The following SUZ12 variants were observed in gnomAD, a reference collection of about 807,000 sequenced individuals.
SUZ12 encodes the protein SUZ12 polycomb repressive complex 2 subunit, also known as polycomb protein SUZ12.
SUZ12 carries 17 observed loss-of-function variants against 87.3 expected under a neutral mutation model. That is an observed-to-expected ratio of 0.19 (90% confidence interval 0.13 to 0.29). SUZ12 has a LOEUF of 0.29. Ranked by LOEUF, SUZ12 falls within the 10% of genes least tolerant of loss-of-function variation. The probability of loss-of-function intolerance (pLI) is 1.00; values close to 1 mark genes in which losing one functional copy is unlikely to be tolerated. For synonymous variants in SUZ12, 253 were observed against 312.4 expected, an observed-to-expected ratio of 0.81 and a Z score of 2.01; for missense variants, 526 against 912.2, an observed-to-expected ratio of 0.58 and a Z score of 5.45.
At chr17:31,978,755 T>C (rs1908901113) in intron 8 of SUZ12, among the ~76,000 whole-genome samples, 1 of 152,220 alleles carries the variant, frequency 6.6e-6, no homozygotes, top group South Asian at 2.1e-4. Flanking sequence ...GATAATGCTT[T>C]TATTTTAAAG....
intron 15 of SUZ12, 80 bp downstream of exon 15, chr17:31,996,957 T>C (rs1910006972): frequency 1.2e-6 from 1 of 848,640 alleles, no homozygotes; most frequent in Admixed American, 4.0e-5. Flanking sequence ...AAATCTTACG[T>C]GTGTTAGAAT....
At position 31,988,454 on chromosome 17, in the gene SUZ12, T is replaced by C; in HGVS notation, c.1158T>C (p.His386=). 1 of 1,610,590 alleles carries C rather than the reference T, an allele frequency of 6.2e-7. No homozygotes were observed. The highest frequency in any genetic ancestry group is 8.5e-7 in the Non-Finnish European group (1 of 1,179,130). Residue 386 remains histidine, a synonymous_variant, in exon 10 of 16, where the codon CAT becomes CAC. Coordinates refer to ENST00000322652, the MANE Select transcript of SUZ12 (RefSeq NM_015355.4). ...PLATRNSESL[H]QENKPGSVKP... ...CCACTAGAAATTCAGAGAGTCTCCATCAGGAAAACAAGCCTGGTTCAGTTA... is the reference window on the plus strand; with the variant it reads ...CCACTAGAAATTCAGAGAGTCTCCACCAGGAAAACAAGCCTGGTTCAGTTA...
At position 31,999,179 on chromosome 17, in the gene SUZ12, T is replaced by TGA. The variant is rs1910135953; in HGVS notation, c.*176_*177insGA. The TGA allele has an allele frequency of 3.8e-5, 18 of 478,952 alleles. No individual in the cohort carries two copies. The highest frequency in any genetic ancestry group is 6.2e-5 in the Non-Finnish European group (17 of 275,636). The allele number at this position is 478,952 out of a possible 1,614,324, so 29.7% of individuals were successfully genotyped here. A position where few individuals can be genotyped will look rare whatever the true frequency, so the allele number is the denominator to read the frequency against. On this transcript the variant is annotated 3_prime_UTR_variant, in exon 16 of 16. Transcript: ENST00000322652. Reference sequence around the variant, plus strand: ...TTCTACTTCACTTCATTATGCAGCATTACATGTATATCACTTTTATTGATG... The same window carrying TGA: ...TTCTACTTCACTTCATTATGCAGCATGATACATGTATATCACTTTTATTGATG...
At chr17:31,983,903 G>A (rs570044947) in intron 9 of SUZ12, among the ~76,000 whole-genome samples, 1 of 152,230 alleles carries the variant, frequency 6.6e-6, no homozygotes, top group Admixed American at 6.5e-5. Context: ...AGATAAAGAG[G>A]AATCCATGCA....
intron 10 of SUZ12, among the ~76,000 whole-genome samples, chr17:31,990,335 CT>C (rs1351497703): frequency 6.6e-6 from 1 of 151,328 alleles, no homozygotes; most frequent in Non-Finnish European, 1.5e-5. Flanking sequence ...TGGTCTGGAC[CT>C]CCTGACGTCG....
intron 4 of SUZ12, among the ~76,000 whole-genome samples, chr17:31,953,812 C>T (rs1435036972): frequency 6.7e-6 from 1 of 148,154 alleles, no homozygotes; most frequent in Non-Finnish European, 1.5e-5. Flanking sequence ...CTCCTTGGTT[C>T]AAGCAGTTCT....
rs769992126 is a variant in SUZ12 at position 31,994,519 on chromosome 17, G to A, written c.1438-45G>A. On this transcript the variant is annotated intron_variant, in intron 12 of 15. Transcript: ENST00000322652. ...TTTAATTAAATTGGAGGGATATTTA[G>A]GATAGGATACTTAATATATTTTTTT... is the stretch of plus-strand genomic sequence containing the variant. The A allele has an allele frequency of 1.1e-5, 16 of 1,489,558 alleles. No individual in the cohort carries two copies. In the East Asian group the frequency reaches 3.9e-4, roughly 36 times the overall value. The allele number at this position is 1,489,558 out of a possible 1,614,324, so 92.3% of individuals were successfully genotyped here.
intron 4 of SUZ12, among the ~76,000 whole-genome samples, chr17:31,959,108 CT>C (rs969675522): frequency 6.6e-6 from 1 of 151,918 alleles, no homozygotes; most frequent in Non-Finnish European, 1.5e-5. Flanking sequence ...TTTTCCCTTT[CT>C]TTTTTTTAAT....
rs772057153 is a variant in SUZ12 at position 31,983,008 on chromosome 17, G to A, written c.927G>A (p.Gln309=). The change falls in exon 9 of 16, where the codon CAG becomes CAA. Residue 309 remains glutamine, a synonymous_variant. Transcript: ENST00000322652. ...MTVFDKNRRL[Q]LLDGEYEVAM... ...TGTGTTTGTCTAACAGGCGCTTACA[G>A]CTTTTAGATGGGGAATATGAAGTAG... The A allele has an allele frequency of 2.5e-6, 4 of 1,612,998 alleles. No individual in the cohort carries two copies. The highest frequency in any genetic ancestry group is 3.4e-6 in the Non-Finnish European group (4 of 1,179,486).
intron 4 of SUZ12, among the ~76,000 whole-genome samples, chr17:31,960,798 C>T (rs1907663910): frequency 6.6e-6 from 1 of 152,076 alleles, no homozygotes; most frequent in African/African-American, 2.4e-5. Context: ...AGGCTGGTCT[C>T]CAACTCCTGA....
chr17:31,945,082 AAAGTAT>A (rs1306017495), intron 3 of SUZ12, among the ~76,000 whole-genome samples: 24 of 150,950 alleles, frequency 1.6e-4, no homozygotes, highest in Admixed American at 9.2e-4. Flanking sequence ...AAAAAAAAAA[AAAGTAT>A]GGGAATCATT....
At chr17:31,996,953 T>A in intron 15 of SUZ12, 76 bp downstream of exon 15, 1 of 885,094 alleles carries the variant, frequency 1.1e-6, no homozygotes, top group South Asian at 3.0e-5. Flanking sequence ...CTAGAAATCT[T>A]ACGTGTGTTA....
At chr17:31,941,763 A>G (rs1906301871) in intron 3 of SUZ12, among the ~76,000 whole-genome samples, 1 of 150,174 alleles carries the variant, frequency 6.7e-6, no homozygotes, top group African/African-American at 2.5e-5. Flanking sequence ...GTTAGCCAGG[A>G]TGGTCTCGAT....
At chr17:31,960,934 G>A (rs1598160501) in intron 4 of SUZ12, among the ~76,000 whole-genome samples, 8 of 152,116 alleles carry the variant, frequency 5.3e-5, no homozygotes, top group Admixed American at 4.6e-4. Context: ...CTCAAAGTCC[G>A]GGCATGGTGG....
In SUZ12 at chr17:31,957,239, G is replaced by T. The variant is rs868862176; in HGVS notation, c.456-8908G>T. 3.5e-3 allele frequency among the ~76,000 whole-genome samples: 499 copies of T among 143,680 alleles called. 2 individuals are homozygous for T. The highest frequency in any genetic ancestry group is 0.018 in the Middle Eastern group (5 of 278). 94.3% of individuals were successfully genotyped at this position (143,680 alleles called of 152,430 possible). A position where few individuals can be genotyped will look rare whatever the true frequency, so the allele number is the denominator to read the frequency against. On this transcript the variant is annotated intron_variant, in intron 4 of 15. Transcript: ENST00000322652. ...CTGGGACTACCTGGCTACATTTTTT[G>T]TTTTTTTTTTTTCTCTTCCAGATGG...
At chr17:31,981,142 A>T (rs1319665155) in intron 8 of SUZ12, among the ~76,000 whole-genome samples, 2 of 152,222 alleles carry the variant, frequency 1.3e-5, no homozygotes, top group Non-Finnish European at 2.9e-5. Context: ...TCTTCAGAAA[A>T]CAAAAAAGCC....
intron 5 of SUZ12, among the ~76,000 whole-genome samples, chr17:31,967,851 G>A (rs1013751203): frequency 2.0e-5 from 3 of 152,152 alleles, no homozygotes; most frequent in Admixed American, 6.5e-5. Context: ...GGGCAACAGA[G>A]TGAGACCTTG....
chr17:31,946,421 A>C (rs1285637774), intron 3 of SUZ12, among the ~76,000 whole-genome samples: 1 of 152,096 alleles, frequency 6.6e-6, no homozygotes, highest in African/African-American at 2.4e-5. Context: ...AGTCCCAGCT[A>C]CTCGGGAGGC....
At chr17:31,980,755 C>T (rs1909057707) in intron 8 of SUZ12, among the ~76,000 whole-genome samples, 1 of 151,566 alleles carries the variant, frequency 6.6e-6, no homozygotes, top group Non-Finnish European at 1.5e-5. Flanking sequence ...GGCCTACCTT[C>T]TTCTTTTCTT....
Sources: allele counts gnomAD v4.1 joint callset (sites outside exome capture counted in the v4.1 genomes callset), GRCh38; gene constraint gnomAD v4.1.1; transcripts MANE v1.5; gene names NCBI Gene and HGNC (gene_info 2026-07-23, HGNC 2026-07-21).